ESF1: variants seen among roughly 807,000 people sequenced by gnomAD.
ESF1 encodes the protein ESF1 nucleolar pre-rRNA processing protein, also known as ESF1 homolog.
ESF1 carries 58 observed loss-of-function variants against 92.0 expected under a neutral mutation model. The observed-to-expected ratio is 0.63, with a 90% confidence interval of 0.51 to 0.78. The LOEUF (loss-of-function observed/expected upper bound fraction) is 0.78. ESF1 is among the 30% of genes least tolerant of loss of function. ESF1 has a pLI of 0.00. For missense variants in ESF1, 922 were observed against 989.1 expected, an observed-to-expected ratio of 0.93 and a Z score of 0.91; for synonymous variants, 321 against 313.7, an observed-to-expected ratio of 1.02 and a Z score of -0.24.
chr20:13,778,548 T>C (rs1980044968), intron 2 of ESF1, among the ~76,000 whole-genome samples: 1 of 152,156 alleles, frequency 6.6e-6, no homozygotes, highest in African/African-American at 2.4e-5. Context: ...GGTAATTACA[T>C]TGTTTTCTAA....
intron 10 of ESF1, among the ~76,000 whole-genome samples, chr20:13,732,310 T>C (rs2327797): frequency 0.17 from 25,842 of 152,222 alleles, 2,814 homozygotes; most frequent in Non-Finnish European, 0.24. Flanking sequence ...GTGTTGATAG[T>C]TGTAGTGTGA....
Position 13,714,714 on chromosome 20 carries a change from A to G in ESF1, c.*160T>C, listed in dbSNP as rs148860207. 13,408 of 656,146 alleles carry G rather than the reference A, an allele frequency of 0.02. 161 individuals are homozygous for G. The highest frequency in any genetic ancestry group is 0.025 in the Non-Finnish European group (10,170 of 404,862). The allele number at this position is 656,146 out of a possible 1,614,324, so 40.6% of individuals were successfully genotyped here. ...AATAAAAATTTGTCAGTCATCCACA[A>G]TTAAGTACAATTATTTATGGAGAAA... On this transcript the variant is annotated 3_prime_UTR_variant, in exon 14 of 14. Transcript: ENST00000617257.
At chr20:13,781,203 G>A (rs867901898) in intron 2 of ESF1, among the ~76,000 whole-genome samples, 2 of 152,186 alleles carry the variant, frequency 1.3e-5, no homozygotes, top group Middle Eastern at 3.4e-3. Context: ...TGTCCAATAT[G>A]GTAGCCAGTA....
intron 10 of ESF1, among the ~76,000 whole-genome samples, chr20:13,732,520 GAA>G (rs1484361814): frequency 6.6e-6 from 1 of 152,132 alleles, no homozygotes; most frequent in Non-Finnish European, 1.5e-5. Flanking sequence ...ACACAGTATA[GAA>G]ACAGTATAGT....
intron 9 of ESF1, among the ~76,000 whole-genome samples, chr20:13,735,834 G>A (rs562992058): frequency 3.7e-4 from 56 of 152,242 alleles, no homozygotes; most frequent in Middle Eastern, 3.4e-3. Flanking sequence ...ATGATGCTAA[G>A]GAGGGTTCTA....
chr20:13,728,363 T>C lies in ESF1; in HGVS notation c.2038+15A>G, dbSNP rs776565939. 3 of 1,592,630 alleles carry C rather than the reference T, an allele frequency of 1.9e-6. No individual in the cohort carries two copies. The highest frequency in any genetic ancestry group is 2.2e-5 in the East Asian group (1 of 44,690). ...TTAGATTCCAGTTGAAAACTACAGA[T>C]ATGAGCTGGCTTACCTATTTGTTTA... On this transcript the variant is annotated intron_variant, in intron 11 of 13. Transcript: ENST00000617257.
At chr20:13,736,404 C>T (rs868027404) in intron 9 of ESF1, among the ~76,000 whole-genome samples, 3 of 152,274 alleles carry the variant, frequency 2.0e-5, no homozygotes, top group Middle Eastern at 6.8e-3. Flanking sequence ...ATTTGAACCA[C>T]ATAAGTGATG....
rs33986564 is a variant in ESF1, at chr20:13,762,854, G to GTTTTTT, written c.1667-3007_1667-3002dup. On this transcript the variant is annotated intron_variant, in intron 8 of 13. Transcript: ENST00000617257. Reference sequence around the variant, plus strand: ...AAACAAAAAGTCATTATTTATTAAAGTTTTTTTTTTTTTTTTTTTTTTTTG... The same window carrying GTTTTTT: ...AAACAAAAAGTCATTATTTATTAAAGTTTTTTTTTTTTTTTTTTTTTTTTTTTTTTG... The GTTTTTT allele has an allele frequency of 3.9e-3, 719 of 186,688 alleles. 2 individuals carry two copies. The highest frequency in any genetic ancestry group is 7.0e-3 in the South Asian group (159 of 22,586). The allele number at this position is 186,688 out of a possible 1,614,324, so 11.6% of individuals were successfully genotyped here.
intron 9 of ESF1, among the ~76,000 whole-genome samples, chr20:13,743,447 T>G (rs1439491928): frequency 2.0e-5 from 3 of 152,194 alleles, no homozygotes; most frequent in Non-Finnish European, 4.4e-5. Context: ...ATTGCAGCAT[T>G]ATTCGCAATA....
Position 13,733,846 on chromosome 20 carries a change from A to G in ESF1, c.1829-4T>C, listed in dbSNP as rs1402521122. On this transcript the variant is annotated splice_polypyrimidine_tract_variant and splice_region_variant and intron_variant, in intron 9 of 13. Coordinates refer to ENST00000617257, the MANE Select transcript of ESF1 (RefSeq NM_001276380.2). ...TCTTCTGCACTTTCTTTAAGACCTG[A>G]GGAAAAATCCAAATAGTTTAGCTTA... 3 of 1,597,182 alleles carry G rather than the reference A, an allele frequency of 1.9e-6. No homozygotes were observed. Among genetic ancestry groups the G allele is most frequent in the Non-Finnish European group, 2.6e-6 (3 of 1,175,094 alleles).
intron 9 of ESF1, among the ~76,000 whole-genome samples, chr20:13,742,543 A>G (rs1040066233): frequency 5.3e-5 from 8 of 152,188 alleles, no homozygotes; most frequent in Admixed American, 2.0e-4. Flanking sequence ...ACAAATACCC[A>G]GAAAAACTTA....
At chr20:13,748,570 GTGTGTATATA>G (rs1388488040) in intron 9 of ESF1, among the ~76,000 whole-genome samples, 43 of 46,102 alleles carry the variant, frequency 9.3e-4, no homozygotes, top group Middle Eastern at 0.033. Context: ...ATATATGTGT[GTGTGTATATA>G]TATATATATA....
At chr20:13,767,585 G>C (rs950753504) in intron 7 of ESF1, among the ~76,000 whole-genome samples, 8 of 151,290 alleles carry the variant, frequency 5.3e-5, no homozygotes, top group African/African-American at 1.5e-4. Flanking sequence ...TTTTTCACCT[G>C]GAGTTCTAAG....
rs1038171455 is a variant in ESF1, at chr20:13,759,711, C to A, written c.1809G>T (p.Met603Ile). 3.2e-6 allele frequency: 5 copies of A among 1,574,376 alleles called. No homozygotes were observed. Among genetic ancestry groups the A allele is most frequent in the Non-Finnish European group, 2.6e-6 (3 of 1,169,778 alleles). ...EKKGKENDME[M>I]EIKWVPGLKE... is the part of the protein sequence containing the mutation. ...TCTTACCTGGAACCCATTTAATTTC[C>A]ATTTCCATATCATTTTCTTTGCCTT... Residue 603 changes from methionine (M) to isoleucine (I), a missense_variant, in exon 9 of 14, where the codon ATG (methionine) becomes ATT (isoleucine). Physicochemically the swap from Met to Ile is conservative, Grantham distance 10. Coordinates refer to ENST00000617257, the MANE Select transcript of ESF1 (RefSeq NM_001276380.2).
chr20:13,724,761 G>T (rs556151678), intron 11 of ESF1, among the ~76,000 whole-genome samples: 5 of 152,124 alleles, frequency 3.3e-5, no homozygotes, highest in Admixed American at 2.0e-4. Context: ...TAAATATTTT[G>T]TAACATGCTG....
intron 9 of ESF1, among the ~76,000 whole-genome samples, chr20:13,742,478 A>T (rs1456840650): frequency 1.3e-5 from 2 of 150,464 alleles, no homozygotes; most frequent in Non-Finnish European, 3.0e-5. Context: ...CTCAAAAAGA[A>T]AAAAAAAAAG....
At position 13,771,565 on chromosome 20, in the gene ESF1, GA is replaced by G. The variant is rs1431520685; in HGVS notation, c.1251-83del. On this transcript the variant is annotated intron_variant, in intron 5 of 13. Transcript: ENST00000617257. ...TAAAAAATAAATGTAATTCTTTCAAGAAAAACATATTACAAGCTGGCCTTCA... is the reference window on the plus strand; with the variant it reads ...TAAAAAATAAATGTAATTCTTTCAAGAAAACATATTACAAGCTGGCCTTCA... 13 of 1,177,818 alleles carry G rather than the reference GA, an allele frequency of 1.1e-5. No individual in the cohort carries two copies. In the African/African-American group the frequency reaches 2.0e-4, roughly 18 times the overall value. The allele number at this position is 1,177,818 out of a possible 1,614,324, so 73.0% of individuals were successfully genotyped here. A position where few individuals can be genotyped will look rare whatever the true frequency, so the allele number is the denominator to read the frequency against.
At chr20:13,742,002 T>C (rs1053336063) in intron 9 of ESF1, among the ~76,000 whole-genome samples, 1 of 152,152 alleles carries the variant, frequency 6.6e-6, no homozygotes, top group Non-Finnish European at 1.5e-5. Flanking sequence ...TTCAATCTCA[T>C]TGGTGACAAG....
At chr20:13,766,981 T>G in intron 7 of ESF1, 57 bp from the exon 8 acceptor site, 1 of 1,557,226 alleles carries the variant, frequency 6.4e-7, no homozygotes, top group Non-Finnish European at 8.7e-7. Flanking sequence ...CAGCTCAAAC[T>G]TGTTAAAGAA....
Sources: allele counts gnomAD v4.1 joint callset (sites outside exome capture counted in the v4.1 genomes callset), GRCh38; gene constraint gnomAD v4.1.1; transcripts MANE v1.5; gene names NCBI Gene and HGNC (gene_info 2026-07-23, HGNC 2026-07-21).